The following CSMD3 variants were observed in gnomAD, a reference collection of about 807,000 sequenced individuals.
The protein encoded by CSMD3 is CUB and sushi domain-containing protein 3.
Under a neutral mutation model 435.2 loss-of-function variants are expected in CSMD3, and 177 were observed. The observed-to-expected ratio is 0.41, with a 90% CI of 0.36 to 0.46. CSMD3 has a LOEUF of 0.46. Among genes scored for constraint, CSMD3 ranks in the 20% least tolerant of loss-of-function variants. The pLI, the probability that CSMD3 is intolerant of heterozygous loss-of-function variation, is 0.34. For missense variants in CSMD3, 4,265 were observed against 4,504.6 expected, an observed-to-expected ratio of 0.95 and a Z score of 1.52; for synonymous variants, 1,656 against 1,520.5, an observed-to-expected ratio of 1.09 and a Z score of -2.07.
At chr8:112,937,387 G>GA (rs1407892984) in intron 9 of CSMD3, among the ~76,000 whole-genome samples, 11 of 135,414 alleles carry the variant, frequency 8.1e-5, no homozygotes, top group Middle Eastern at 9.2e-3. Flanking sequence ...GTCTCTCTCT[G>GA]TCGCCTAATT....
chr8:113,098,107 A>G (rs2090218583), intron 5 of CSMD3, among the ~76,000 whole-genome samples: 1 of 152,034 alleles, frequency 6.6e-6, no homozygotes, highest in Admixed American at 6.6e-5. Flanking sequence ...ATAAATTCCC[A>G]TGGTTCTTAG....
intron 38 of CSMD3, among the ~76,000 whole-genome samples, chr8:112,367,867 A>G (rs1450483572): frequency 6.6e-6 from 1 of 152,190 alleles, no homozygotes; most frequent in Non-Finnish European, 1.5e-5. Flanking sequence ...TACTCCAGCT[A>G]TGTGGGTTTA....
At chr8:113,318,808 G>GTGTGTGTGTT (rs563426600) in intron 1 of CSMD3, among the ~76,000 whole-genome samples, 181 of 151,622 alleles carry the variant, frequency 1.2e-3, no homozygotes, top group African/African-American at 4.2e-3. Flanking sequence ...GTGTGTGTGT[G>GTGTGTGTGTT]TGTGTGTGTG....
At chr8:112,697,674 G>A (rs570303584) in intron 13 of CSMD3, among the ~76,000 whole-genome samples, 37 of 151,892 alleles carry the variant, frequency 2.4e-4, no homozygotes, top group African/African-American at 3.9e-4. Context: ...CCAACATGAC[G>A]CATGTATACA....
intron 10 of CSMD3, among the ~76,000 whole-genome samples, chr8:112,889,033 G>A (rs1160446065): frequency 1.3e-5 from 2 of 151,610 alleles, no homozygotes; most frequent in Non-Finnish European, 3.0e-5. Flanking sequence ...AAATCATTTA[G>A]AAAATGGTTT....
Position 112,304,902 on chromosome 8 carries a change from T to C in CSMD3, c.8085A>G (p.Pro2695=). 2 of 1,613,338 alleles carry C rather than the reference T, an allele frequency of 1.2e-6. No individual in the cohort carries two copies. The highest frequency in any genetic ancestry group is 2.2e-5 in the East Asian group (1 of 44,830). ...GTTCCAAGATAAAGGAATTGATGCT[T>C]GGACATGTAACAACTATACAAAAAC... ...KTPRCVVVTC[P]SINSFILEHG... Residue 2695 remains proline, a synonymous_variant, in exon 52 of 71, where the codon CCA becomes CCG. Coordinates refer to ENST00000297405, the MANE Select transcript of CSMD3 (RefSeq NM_198123.2).
chr8:112,884,640 C>T (rs981212482), intron 10 of CSMD3, among the ~76,000 whole-genome samples: 4 of 151,714 alleles, frequency 2.6e-5, no homozygotes, highest in African/African-American at 7.2e-5. Context: ...AATCCAGCCC[C>T]TTTCCCATTA....
chr8:113,274,444 G>A (rs1423098077), intron 3 of CSMD3, among the ~76,000 whole-genome samples: 1 of 152,044 alleles, frequency 6.6e-6, no homozygotes, highest in Non-Finnish European at 1.5e-5. Context: ...ACTTGTCCAC[G>A]ATGAAGTATA....
chr8:112,666,229 T>A (rs757403596), intron 17 of CSMD3, 48 bp downstream of exon 17: 19 of 1,373,988 alleles, frequency 1.4e-5, no homozygotes, highest in Non-Finnish European at 2.1e-6. Context: ...TGTCAACTAA[T>A]CTTTTAGATA....
intron 3 of CSMD3, among the ~76,000 whole-genome samples, chr8:113,175,280 T>A (rs1158167341): frequency 6.6e-6 from 1 of 151,858 alleles, no homozygotes; most frequent in East Asian, 1.9e-4. Context: ...GAGGTCAATT[T>A]AATCAAGAAA....
chr8:113,236,798 C>T (rs978590157), intron 3 of CSMD3, among the ~76,000 whole-genome samples: 34 of 152,110 alleles, frequency 2.2e-4, no homozygotes, highest in Non-Finnish European at 7.4e-5. Flanking sequence ...TAATAACCGC[C>T]TCTCATCTAT....
In CSMD3 at chr8:112,351,073, C is replaced by T. The variant is rs146995900; in HGVS notation, c.6325+102G>A. On this transcript the variant is annotated intron_variant, in intron 40 of 70. Transcript: ENST00000297405. ...CTATATGTTTGAAAATCATGATATACAGAATGAAACTTTAAAATCTGATGA... is the reference window on the plus strand; with the variant it reads ...CTATATGTTTGAAAATCATGATATATAGAATGAAACTTTAAAATCTGATGA... The T allele has an allele frequency of 2.1e-4, 154 of 743,274 alleles. No individual in the cohort carries two copies. In the African/African-American group the frequency reaches 2.6e-3, roughly 12 times the overall value. 46.0% of individuals were successfully genotyped at this position (743,274 alleles called of 1,614,324 possible). A position where few individuals can be genotyped will look rare whatever the true frequency, so the allele number is the denominator to read the frequency against.
chr8:113,335,234 T>A (rs2094062877), intron 1 of CSMD3, among the ~76,000 whole-genome samples: 1 of 152,100 alleles, frequency 6.6e-6, no homozygotes, highest in South Asian at 2.1e-4. Context: ...TGCCGTACTT[T>A]CTTTCTTGTA....
At chr8:112,337,779 G>A (rs1258360361) in intron 42 of CSMD3, 48 bp from the exon 43 acceptor site, 2 of 1,465,558 alleles carry the variant, frequency 1.4e-6, no homozygotes, top group Non-Finnish European at 1.9e-6. Flanking sequence ...AATTTCAGAG[G>A]CCACAGATAG....
chr8:112,875,168 C>A (rs894770791), intron 10 of CSMD3, among the ~76,000 whole-genome samples: 6 of 152,082 alleles, frequency 3.9e-5, no homozygotes, highest in African/African-American at 1.4e-4. Context: ...ATTTCTCCTT[C>A]ACTTATGATG....
chr8:113,065,694 G>A (rs1564273638), intron 5 of CSMD3, among the ~76,000 whole-genome samples: 3 of 152,074 alleles, frequency 2.0e-5, no homozygotes, highest in Non-Finnish European at 2.9e-5. Flanking sequence ...GGCAAAAACA[G>A]CCTCATGTTT....
chr8:112,807,215 G>A (rs2079110735), intron 12 of CSMD3, among the ~76,000 whole-genome samples: 1 of 152,160 alleles, frequency 6.6e-6, no homozygotes, highest in Non-Finnish European at 1.5e-5. Flanking sequence ...TAGTGCTTAA[G>A]CACAAGCCCT....
At chr8:112,641,618 C>T (rs953852172) in intron 20 of CSMD3, among the ~76,000 whole-genome samples, 4 of 152,176 alleles carry the variant, frequency 2.6e-5, no homozygotes, top group African/African-American at 7.2e-5. Context: ...GGGTGGATTG[C>T]TTGAATCCAG....
chr8:112,394,850 C>A, intron 35 of CSMD3, among the ~76,000 whole-genome samples: 1 of 152,274 alleles, frequency 6.6e-6, no homozygotes, highest in East Asian at 1.9e-4. Context: ...TATTCTTATT[C>A]AAAACTATGT....
Sources: allele counts gnomAD v4.1 joint callset (sites outside exome capture counted in the v4.1 genomes callset), GRCh38; gene constraint gnomAD v4.1.1; transcripts MANE v1.5; gene names NCBI Gene and HGNC (gene_info 2026-07-23, HGNC 2026-07-21).